DGCR8: variants seen among roughly 807,000 people sequenced by gnomAD.
The protein encoded by DGCR8 is DGCR8 microprocessor complex subunit.
In DGCR8, 14 loss-of-function variants were observed where a neutral mutation model predicts 78.5. The observed-to-expected ratio is 0.18, with a 90% CI of 0.12 to 0.28. The LOEUF (loss-of-function observed/expected upper bound fraction) is 0.28. Among genes scored for constraint, DGCR8 ranks in the 10% least tolerant of loss-of-function variants. The probability of loss-of-function intolerance (pLI) is 1.00; values close to 1 mark genes in which losing one functional copy is unlikely to be tolerated. For synonymous variants in DGCR8, 399 were observed against 402.4 expected (o/e 0.99, Z 0.10); for missense variants, 702 against 1,022.5 (o/e 0.69, Z 4.28).
chr22:20,106,597 A>G lies in DGCR8; in HGVS notation c.1895A>G (p.His632Arg). The change falls in exon 11 of 14, where the codon CAT becomes CGT. Residue 632 changes from histidine to arginine, a missense_variant. Around this residue, in one of 4 missense-constraint regions of DGCR8, gnomAD observed 225 missense variants for 427.7 expected, o/e 0.53. Transcript: ENST00000351989. ...TTGTCTGTTTTCTCTTAAAGAAACCATGGGATGGGTGACACGTCTATCAAG... is the reference window on the plus strand; with the variant it reads ...TTGTCTGTTTTCTCTTAAAGAAACCGTGGGATGGGTGACACGTCTATCAAG... Reference protein sequence around the residue: ...QILHECLKRNHGMGDTSIKFE... With the variant: ...QILHECLKRNRGMGDTSIKFE... 6.2e-7 allele frequency: 1 copy of G among 1,612,562 alleles called. No homozygotes were observed. The highest frequency in any genetic ancestry group is 8.5e-7 in the Non-Finnish European group (1 of 1,178,514).
rs755129138 is a variant in DGCR8 at position 20,089,738 on chromosome 22, C to T, written c.950C>T (p.Pro317Leu). Reference protein sequence around the residue: ...WIMTFHNSGVPVYLHRESRVV... With the variant: ...WIMTFHNSGVLVYLHRESRVV... Reference sequence around the variant, plus strand: ...ATGACATTCCATAACTCTGGAGTCCCGGTGTACCTACACAGAGAGTCTCGG... The same window carrying T: ...ATGACATTCCATAACTCTGGAGTCCTGGTGTACCTACACAGAGAGTCTCGG... Residue 317 changes from proline (P) to leucine (L), a missense_variant, in exon 4 of 14, where the codon CCG becomes CTG. Transcript: ENST00000351989. This position sits in a 1 kb window ranked among gnomAD's most constrained non-coding sequence, Gnocchi z 4.9. The T allele has an allele frequency of 2.1e-5, 34 of 1,613,782 alleles. No homozygotes were observed. Among genetic ancestry groups the T allele is most frequent in the East Asian group, 4.5e-5 (2 of 44,886 alleles).
Position 20,106,843 on chromosome 22 carries a change from A to C in DGCR8, c.1996+145A>C, listed in dbSNP as rs1336276359. The C allele has an allele frequency of 1.2e-5, 8 of 647,600 alleles. No individual in the cohort carries two copies. The East Asian group carries it at 2.2e-4, about 18-fold the overall frequency. The allele number at this position is 647,600 out of a possible 1,614,324, so 40.1% of individuals were successfully genotyped here. A position where few individuals can be genotyped will look rare whatever the true frequency, so the allele number is the denominator to read the frequency against. On this transcript the variant is annotated intron_variant, in intron 11 of 13. Transcript: ENST00000351989. The stretch of plus-strand genomic sequence containing the variant: ...GTGCTGGCCACCACACGTTCAGCCT[A>C]AGGCGGACTGGCAGCCGTCCTGCCT...
rs1291201507 is a variant in DGCR8 at position 20,090,063 on chromosome 22, A to G, written c.1111A>G (p.Thr371Ala). 15 of 1,614,046 alleles carry G rather than the reference A, an allele frequency of 9.3e-6. No homozygotes were observed. The highest frequency in any genetic ancestry group is 1.3e-5 in the Non-Finnish European group (15 of 1,180,038). Reference sequence around the variant, plus strand: ...GGAACGGGAGCAAAGCAGTGACCTCACCCCTAGTGGGGATGTGTCCCCCGT... The same window carrying G: ...GGAACGGGAGCAAAGCAGTGACCTCGCCCCTAGTGGGGATGTGTCCCCCGT... ...NEEREQSSDL[T>A]PSGDVSPVKP... The change falls in exon 5 of 14, where the codon ACC becomes GCC. Residue 371 changes from threonine (T) to alanine (A), a missense_variant. This residue lies in a region of DGCR8 where 119 missense variants were observed against 126.1 expected (regional missense o/e 0.94). Coordinates refer to ENST00000351989, the MANE Select transcript of DGCR8 (RefSeq NM_022720.7).
At position 20,109,790 on chromosome 22, in the gene DGCR8, G is replaced by A. The variant is rs572885771; in HGVS notation, c.2239-235G>A. On this transcript the variant is annotated intron_variant, in intron 13 of 13. Coordinates refer to ENST00000351989, the MANE Select transcript of DGCR8 (RefSeq NM_022720.7). ...TCACTTCTTGGTACATGTCCTGATTGCCAGGGAGGCTGCACATGTTGTACT... is the reference window on the plus strand; with the variant it reads ...TCACTTCTTGGTACATGTCCTGATTACCAGGGAGGCTGCACATGTTGTACT... Among the ~76,000 whole-genome samples, 7 of 152,352 alleles carry A rather than the reference G, an allele frequency of 4.6e-5. No individual in the cohort carries two copies. The South Asian group carries it at 1.2e-3, about 27-fold the overall frequency.
chr22:20,094,777 A>G lies in DGCR8; in HGVS notation c.1770A>G (p.Lys590=), dbSNP rs769250751. 3.7e-6 allele frequency: 6 copies of G among 1,614,102 alleles called. No individual in the cohort carries two copies. Among genetic ancestry groups the G allele is most frequent in the Non-Finnish European group, 5.1e-6 (6 of 1,179,962 alleles). The part of the protein sequence containing the change: ...FVKQTSEEKP[K]DSEELEYFNH... ...AACAGACCTCTGAAGAGAAGCCCAAAGACAGTGAAGAACTCGAGGTGAGTG... is the reference window on the plus strand; with the variant it reads ...AACAGACCTCTGAAGAGAAGCCCAAGGACAGTGAAGAACTCGAGGTGAGTG... The change falls in exon 9 of 14, where the codon AAA becomes AAG. Residue 590 remains lysine (K), a synonymous_variant. Transcript: ENST00000351989.
chr22:20,087,006 CTGTT>C lies in DGCR8; in HGVS notation c.721-150_721-147del. 3 of 1,006,688 alleles carry C rather than the reference CTGTT, an allele frequency of 3.0e-6. No homozygotes were observed. The highest frequency in any genetic ancestry group is 2.9e-6 in the Non-Finnish European group (2 of 689,690). The allele number at this position is 1,006,688 out of a possible 1,614,324, so 62.4% of individuals were successfully genotyped here. ...GTTGGTGTCAGCTGGTAGCTTCATC[CTGTT>C]TGTTTTTCAGATGATCATGCACCCT... On this transcript the variant is annotated intron_variant, in intron 2 of 13. Transcript: ENST00000351989. The surrounding 1 kb of genome is among the most constrained non-coding windows in gnomAD (Gnocchi z 4.1).
chr22:20,097,933 C>T (rs948125569), intron 9 of DGCR8, among the ~76,000 whole-genome samples: 1 of 150,304 alleles, frequency 6.7e-6, no homozygotes, highest in Non-Finnish European at 1.5e-5. Flanking sequence ...TCGAGACCAT[C>T]CTGGCCAACA....
chr22:20,091,338 GT>G, intron 5 of DGCR8, 96 bp from the exon 6 acceptor site: 1 of 1,214,208 alleles, frequency 8.2e-7, no homozygotes, highest in Non-Finnish European at 1.2e-6. Context: ...AGGAAATAGT[GT>G]CATGTGGCCT....
intron 9 of DGCR8, chr22:20,096,344 G>C: frequency 1.9e-6 from 1 of 526,010 alleles, no homozygotes; most frequent in South Asian, 8.2e-5. Context: ...TCTCAGGGGT[G>C]GCAGAGGCAG....
chr22:20,110,215 CCCTGTGGCCAA>C lies in DGCR8; in HGVS notation c.*115_*125del, dbSNP rs1003605105. ...GTCAGGCCTCCAACCCACGCTCCTT[CCCTGTGGCCAA>C]CCTGTGGGCCCGGCCTTAGGGTGGA... On this transcript the variant is annotated 3_prime_UTR_variant, in exon 14 of 14. Transcript: ENST00000351989. The C allele has an allele frequency of 1.7e-6, 2 of 1,179,642 alleles. No homozygotes were observed. The highest frequency in any genetic ancestry group is 3.0e-5 in the African/African-American group (2 of 66,162). 73.1% of individuals were successfully genotyped at this position (1,179,642 alleles called of 1,614,324 possible).
chr22:20,091,772 C>T (rs1418095090), intron 6 of DGCR8, 97 bp from the exon 7 acceptor site: 28 of 1,475,452 alleles, frequency 1.9e-5, no homozygotes, highest in South Asian at 4.6e-5. Flanking sequence ...GCCACATTCA[C>T]GGTCGTGAGC....
intron 9 of DGCR8, among the ~76,000 whole-genome samples, chr22:20,098,576 CTG>C (rs1296445026): frequency 6.6e-6 from 1 of 152,192 alleles, no homozygotes; most frequent in African/African-American, 2.4e-5. Flanking sequence ...CTATTTGTGA[CTG>C]TATCAGTTTG....
At chr22:20,099,174 A>G (rs762135734) in intron 9 of DGCR8, among the ~76,000 whole-genome samples, 2 of 152,190 alleles carry the variant, frequency 1.3e-5, no homozygotes, top group Non-Finnish European at 2.9e-5. Context: ...CAGAGTCTCC[A>G]GGTCAGTCAG....
In DGCR8 at chr22:20,106,963, C is replaced by G. The variant is rs539408677; in HGVS notation, c.1996+265C>G. The G allele has an allele frequency of 9.0e-5, 52 of 575,198 alleles. No individual in the cohort carries two copies. The South Asian group carries it at 1.1e-3, about 12-fold the overall frequency. 35.6% of individuals were successfully genotyped at this position (575,198 alleles called of 1,614,324 possible). A position where few individuals can be genotyped will look rare whatever the true frequency, so the allele number is the denominator to read the frequency against. ...AGGAGGAAAGGCCCTCCTCCTCGAACAGCCAGCAGAATCCTGCTGCTCCCT... is the reference window on the plus strand; with the variant it reads ...AGGAGGAAAGGCCCTCCTCCTCGAAGAGCCAGCAGAATCCTGCTGCTCCCT... On this transcript the variant is annotated intron_variant, in intron 11 of 13. Transcript: ENST00000351989.
rs1420307169 is a variant in DGCR8 at position 20,086,852 on chromosome 22, C to A, written c.720+169C>A. On this transcript the variant is annotated intron_variant, in intron 2 of 13. Coordinates refer to ENST00000351989, the MANE Select transcript of DGCR8 (RefSeq NM_022720.7). This position sits in a 1 kb window ranked among gnomAD's most constrained non-coding sequence, Gnocchi z 6.4. ...TGGAGAAGAGAAAGATGTAAGGAGT[C>A]CAGATTTTTAAAGTTTCCTAATGAA... 2.2e-6 allele frequency: 2 copies of A among 923,730 alleles called. No homozygotes were observed. Among genetic ancestry groups the A allele is most frequent in the East Asian group, 2.7e-5 (1 of 37,652 alleles). The allele number at this position is 923,730 out of a possible 1,614,324, so 57.2% of individuals were successfully genotyped here.
chr22:20,086,056 C>T lies in DGCR8; in HGVS notation c.93C>T (p.Pro31=), dbSNP rs375867812. Residue 31 remains proline (P), a synonymous_variant, in exon 2 of 14, where the codon CCC becomes CCT. Transcript: ENST00000351989. This position sits in a 1 kb window ranked among gnomAD's most constrained non-coding sequence, Gnocchi z 6.4. ...GAGCTCGCCCCTTCCAAGCGCTGCC[C>T]CGTGAGCAGTCTCCACCACCTCCCC... ...ESRARPFQAL[P]REQSPPPPLQ... 2 of 1,614,058 alleles carry T rather than the reference C, an allele frequency of 1.2e-6. No individual in the cohort carries two copies. The highest frequency in any genetic ancestry group is 1.7e-5 in the Admixed American group (1 of 60,034).
At chr22:20,105,947 C>G (rs1011163008) in intron 9 of DGCR8, among the ~76,000 whole-genome samples, 1 of 152,052 alleles carries the variant, frequency 6.6e-6, no homozygotes, top group African/African-American at 2.4e-5. Flanking sequence ...GACTCCATCC[C>G]ACAGTGCTCA....
At chr22:20,100,522 C>A in intron 9 of DGCR8, 1 of 980,428 alleles carries the variant, frequency 1.0e-6, no homozygotes, top group Non-Finnish European at 1.2e-6. Context: ...GTAGGTCTCA[C>A]GCTGCCTTCC....
chr22:20,098,917 G>A (rs1028947533), intron 9 of DGCR8, among the ~76,000 whole-genome samples: 3 of 152,192 alleles, frequency 2.0e-5, no homozygotes, highest in African/African-American at 7.2e-5. Context: ...AAATTTGGGG[G>A]TGACAGTTTA....
Sources: gnomAD v4.1 joint callset for allele counts (sites outside exome capture counted in the v4.1 genomes callset) on GRCh38, gnomAD v4.1.1 for gene constraint, gnomAD v4.1.1 regional missense constraint, Gnocchi (gnomAD v3.1) non-coding constraint, MANE v1.5 for transcripts, NCBI Gene and HGNC (gene_info 2026-07-23, HGNC 2026-07-21) for gene names.